Variants in CDK14 observed in about 807,000 individuals in gnomAD.
CDK14 encodes the protein cyclin-dependent kinase 14.
CDK14 carries 34 observed loss-of-function variants against 60.7 expected under a neutral mutation model. That is an observed-to-expected ratio of 0.56 (90% confidence interval 0.43 to 0.75). CDK14 has a LOEUF of 0.75. Ranked by LOEUF, CDK14 falls within the 30% of genes least tolerant of loss-of-function variation. The pLI, the probability that CDK14 is intolerant of heterozygous loss-of-function variation, is 0.00. For synonymous variants in CDK14, 197 were observed against 203.7 expected (o/e 0.97, Z 0.28); for missense variants, 482 against 564.1 (o/e 0.85, Z 1.47).
At chr7:90,973,183 A>G (rs985887708) in intron 9 of CDK14, among the ~76,000 whole-genome samples, 3 of 152,188 alleles carry the variant, frequency 2.0e-5, no homozygotes, top group African/African-American at 7.2e-5. Flanking sequence ...TCAACAATGC[A>G]GATGGCTCTG....
chr7:90,930,691 G>A (rs954419544), intron 8 of CDK14, among the ~76,000 whole-genome samples: 2 of 152,030 alleles, frequency 1.3e-5, no homozygotes, highest in East Asian at 1.9e-4. Flanking sequence ...TTGCTTTTAG[G>A]AAGCAAAATG....
intron 1 of CDK14, among the ~76,000 whole-genome samples, chr7:90,598,709 T>TTTTTG (rs1799249498): frequency 9.3e-6 from 1 of 107,686 alleles, no homozygotes; most frequent in Admixed American, 8.8e-5. Flanking sequence ...TAAGGATTTT[T>TTTTTG]TTTTTTTTTT....
Position 90,736,803 on chromosome 7 carries a change from T to C in CDK14, c.369+9991T>C, listed in dbSNP as rs78777595. On this transcript the variant is annotated intron_variant, in intron 3 of 14. Transcript: ENST00000380050. ...TGGTAGAAACTATTTTAAAATATCA[T>C]GCCTTCCCAGCCGTATACATCTATA... Among the ~76,000 whole-genome samples, 1,513 of 152,226 alleles carry C rather than the reference T, an allele frequency of 9.9e-3. 23 individuals are homozygous for C. Among genetic ancestry groups the C allele is most frequent in the African/African-American group, 0.033 (1,388 of 41,528 alleles).
At chr7:90,668,622 T>G (rs1801031539) in intron 2 of CDK14, among the ~76,000 whole-genome samples, 1 of 150,700 alleles carries the variant, frequency 6.6e-6, no homozygotes, top group Admixed American at 6.7e-5. Context: ...CTTCTGAGAG[T>G]TTTATAGTTT....
At chr7:90,718,909 C>T (rs887420554) in intron 2 of CDK14, among the ~76,000 whole-genome samples, 1 of 152,188 alleles carries the variant, frequency 6.6e-6, no homozygotes. Context: ...TCTTGCACAT[C>T]TATCCTTAAT....
intron 2 of CDK14, among the ~76,000 whole-genome samples, chr7:90,716,913 T>C (rs994511): frequency 0.47 from 70,685 of 151,760 alleles, 17,309 homozygotes; most frequent in East Asian, 0.86. Context: ...CACCCAGGGA[T>C]CTTGTTAAAA....
At chr7:90,952,603 A>G (rs1794295828) in intron 8 of CDK14, among the ~76,000 whole-genome samples, 1 of 152,220 alleles carries the variant, frequency 6.6e-6, no homozygotes, top group African/African-American at 2.4e-5. Flanking sequence ...TCATGAGCAC[A>G]CACTCAGCCA....
At chr7:91,160,495 G>A (rs1036331135) in intron 14 of CDK14, among the ~76,000 whole-genome samples, 6 of 151,874 alleles carry the variant, frequency 4.0e-5, no homozygotes, top group Admixed American at 3.9e-4. Flanking sequence ...ATTATGTTAT[G>A]ATGGGGGGGG....
intron 2 of CDK14, among the ~76,000 whole-genome samples, chr7:90,661,607 A>C (rs79323637): frequency 0.016 from 2,364 of 152,278 alleles, 89 homozygotes; most frequent in African/African-American, 0.052. Flanking sequence ...CAGTGTTATC[A>C]TCAAGATTAT....
At chr7:91,059,003 G>A (rs1374787237) in intron 11 of CDK14, among the ~76,000 whole-genome samples, 1 of 152,164 alleles carries the variant, frequency 6.6e-6, no homozygotes, top group Non-Finnish European at 1.5e-5. Context: ...TTGTACCTCT[G>A]GTAGAATTCG....
At chr7:90,684,418 A>G (rs1265128925) in intron 2 of CDK14, among the ~76,000 whole-genome samples, 1 of 152,222 alleles carries the variant, frequency 6.6e-6, no homozygotes, top group Non-Finnish European at 1.5e-5. Flanking sequence ...GTGGGGCTAT[A>G]TTACACATTT....
chr7:91,083,798 A>G (rs1005190720), intron 12 of CDK14, among the ~76,000 whole-genome samples: 3 of 152,192 alleles, frequency 2.0e-5, no homozygotes, highest in Admixed American at 6.5e-5. Context: ...AGATCTGTCC[A>G]AAGATTCAGG....
chr7:90,669,672 C>A (rs1374262715), intron 2 of CDK14, among the ~76,000 whole-genome samples: 2 of 152,178 alleles, frequency 1.3e-5, no homozygotes. Context: ...TAGACTATTT[C>A]TGGACCTTTT....
chr7:90,843,223 TC>T (rs1790357490), intron 5 of CDK14, among the ~76,000 whole-genome samples: 1 of 152,170 alleles, frequency 6.6e-6, no homozygotes, highest in Non-Finnish European at 1.5e-5. Flanking sequence ...ATATTTTGGT[TC>T]ACTAGTTCAT....
At chr7:90,938,040 G>A (rs544422919) in intron 8 of CDK14, among the ~76,000 whole-genome samples, 60 of 152,330 alleles carry the variant, frequency 3.9e-4, no homozygotes, top group Non-Finnish European at 6.5e-4. Flanking sequence ...AAGAGATCAT[G>A]AAAGAATAGT....
At chr7:91,086,664 T>G (rs1009889685) in intron 12 of CDK14, among the ~76,000 whole-genome samples, 2 of 150,830 alleles carry the variant, frequency 1.3e-5, no homozygotes, top group African/African-American at 2.5e-5. Flanking sequence ...CCTGTGGGTG[T>G]GTGTGTGTGT....
chr7:90,903,877 G>A (rs868426035), intron 7 of CDK14, among the ~76,000 whole-genome samples: 8 of 152,110 alleles, frequency 5.3e-5, no homozygotes, highest in Non-Finnish European at 1.0e-4. Flanking sequence ...GTATCTTTAC[G>A]CAGGAAATGT....
intron 2 of CDK14, among the ~76,000 whole-genome samples, chr7:90,628,307 A>G (rs555213947): frequency 2.0e-5 from 3 of 152,060 alleles, no homozygotes; most frequent in Non-Finnish European, 4.4e-5. Flanking sequence ...TTCCCACCCC[A>G]AGATAACTTT....
rs77067317 is a variant in CDK14, at chr7:90,698,184, T to G, written c.124-28383T>G. On this transcript the variant is annotated intron_variant, in intron 2 of 14. Coordinates refer to ENST00000380050, the MANE Select transcript of CDK14 (RefSeq NM_001287135.2). ...TGCTACTTGATGTTTTACTTGATGT[T>G]TGTTCTGATAGGTAGGATTAATTCT... Among the ~76,000 whole-genome samples, 1,500 of 152,212 alleles carry G rather than the reference T, an allele frequency of 9.9e-3. 26 individuals are homozygous for G. The highest frequency in any genetic ancestry group is 0.033 in the African/African-American group (1,376 of 41,528).
Sources: gnomAD v4.1 joint callset for allele counts (sites outside exome capture counted in the v4.1 genomes callset) on GRCh38, gnomAD v4.1.1 for gene constraint, MANE v1.5 for transcripts, NCBI Gene and HGNC (gene_info 2026-07-23, HGNC 2026-07-21) for gene names.